The following STAT5A variants were observed in gnomAD, a reference collection of about 807,000 sequenced individuals.
STAT5A encodes the protein epididymis secretory sperm binding protein.
Under a neutral mutation model 100.2 loss-of-function variants are expected in STAT5A, and 26 were observed. The observed-to-expected ratio is 0.26, with a 90% CI of 0.19 to 0.36. STAT5A has a LOEUF of 0.36. STAT5A is among the 10% of genes least tolerant of loss of function. STAT5A has a pLI of 1.00. For synonymous variants in STAT5A, 330 were observed against 424.3 expected (o/e 0.78, Z 2.73); for missense variants, 634 against 1,027.5 (o/e 0.62, Z 5.24).
intron 4 of STAT5A, among the ~76,000 whole-genome samples, chr17:42,295,223 A>T (rs1344734193): frequency 6.6e-6 from 1 of 152,132 alleles, no homozygotes; most frequent in Non-Finnish European, 1.5e-5. Flanking sequence ...TTGAGTCAGC[A>T]AATAAATGTA....
chr17:42,309,626 G>C, intron 18 of STAT5A, 142 bp downstream of exon 18: 1 of 797,336 alleles, frequency 1.3e-6, no homozygotes, highest in Non-Finnish European at 2.0e-6. Context: ...CAGGAAAACA[G>C]AGCATTTTGA....
intron 1 of STAT5A, 66 bp from the exon 2 acceptor site, chr17:42,289,336 G>C (rs1232510984): frequency 6.8e-7 from 1 of 1,469,886 alleles, no homozygotes; most frequent in African/African-American, 1.4e-5. Flanking sequence ...GCATGGCAAG[G>C]CCAGGGGCAG....
At position 42,291,955 on chromosome 17, in the gene STAT5A, C is replaced by T; in HGVS notation, c.286-17C>T. The T allele has an allele frequency of 1.2e-6, 2 of 1,612,982 alleles. No homozygotes were observed. The highest frequency in any genetic ancestry group is 1.7e-6 in the Non-Finnish European group (2 of 1,179,338). ...GAGCAGAGGATGGCGCTGGAGGCTACTGTTGGATTCTTTCAGAAAACATAT... is the reference window on the plus strand; with the variant it reads ...GAGCAGAGGATGGCGCTGGAGGCTATTGTTGGATTCTTTCAGAAAACATAT... On this transcript the variant is annotated splice_polypyrimidine_tract_variant and intron_variant, in intron 3 of 18. Coordinates refer to ENST00000590949, the MANE Select transcript of STAT5A (RefSeq NM_001288718.2).
chr17:42,295,924 C>A (rs2080914447), intron 5 of STAT5A, 131 bp downstream of exon 5: 1 of 1,357,208 alleles, frequency 7.4e-7, no homozygotes, highest in East Asian at 2.5e-5. Context: ...GAAGCAATGG[C>A]TCCCGGTGAT....
intron 12 of STAT5A, 21 bp downstream of exon 12, chr17:42,305,723 T>TACCCCAGCACCCCC (rs747085318): frequency 8.1e-6 from 13 of 1,612,552 alleles, no homozygotes; most frequent in Non-Finnish European, 1.1e-5. Flanking sequence ...GTGGGAGCCC[T>TACCCCAGCACCCCC]ACCCCAGCAC....
intron 5 of STAT5A, among the ~76,000 whole-genome samples, chr17:42,298,539 T>C (rs1207535965): frequency 6.8e-6 from 1 of 147,392 alleles, no homozygotes; most frequent in Non-Finnish European, 1.5e-5. Context: ...TGGCCCAATC[T>C]CGGCTCACTG....
chr17:42,291,826 G>T, intron 3 of STAT5A, 146 bp from the exon 4 acceptor site: 1 of 716,030 alleles, frequency 1.4e-6, no homozygotes, highest in Non-Finnish European at 2.4e-6. Context: ...GAGGAACAGA[G>T]ATATAGAGGT....
Position 42,304,713 on chromosome 17 carries a change from G to C in STAT5A, c.1380+61G>C. On this transcript the variant is annotated intron_variant, in intron 11 of 18. Coordinates refer to ENST00000590949, the MANE Select transcript of STAT5A (RefSeq NM_001288718.2). This position sits in a 1 kb window ranked among gnomAD's most constrained non-coding sequence, Gnocchi z 4.8. ...GGTCACCCAAGAGGTGGAGGGGCCT[G>C]CCTCAGGACTCCTGGCAGCAATGCC... The C allele has an allele frequency of 2.5e-6, 4 of 1,600,362 alleles. No individual in the cohort carries two copies. The highest frequency in any genetic ancestry group is 3.3e-4 in the Middle Eastern group (2 of 5,992).
At chr17:42,289,350 C>G in intron 1 of STAT5A, 52 bp from the exon 2 acceptor site, 7 of 1,507,396 alleles carry the variant, frequency 4.6e-6, no homozygotes, top group Non-Finnish European at 6.2e-6. Context: ...GGGGCAGGCC[C>G]GGTTCCTTGG....
In STAT5A at chr17:42,307,321, G is replaced by A. The variant is rs2081038233; in HGVS notation, c.1681-81G>A. The A allele has an allele frequency of 1.2e-5, 17 of 1,389,694 alleles. No individual in the cohort carries two copies. The South Asian group carries it at 1.8e-4, about 15-fold the overall frequency. The allele number at this position is 1,389,694 out of a possible 1,614,324, so 86.1% of individuals were successfully genotyped here. A position where few individuals can be genotyped will look rare whatever the true frequency, so the allele number is the denominator to read the frequency against. On this transcript the variant is annotated intron_variant, in intron 13 of 18. Coordinates refer to ENST00000590949, the MANE Select transcript of STAT5A (RefSeq NM_001288718.2). ...GTGAAGAACTGGGAGAAGACTGGGTGGGGGCAGGAGGGCCCTGACTTTCCT... is the reference window on the plus strand; with the variant it reads ...GTGAAGAACTGGGAGAAGACTGGGTAGGGGCAGGAGGGCCCTGACTTTCCT...
At position 42,307,474 on chromosome 17, in the gene STAT5A, C is replaced by G. The variant is rs1008319751; in HGVS notation, c.1753C>G (p.His585Asp). The G allele has an allele frequency of 6.2e-7, 1 of 1,613,940 alleles. No individual in the cohort carries two copies. Among genetic ancestry groups the G allele is most frequent in the African/African-American group, 1.3e-5 (1 of 74,874 alleles). ...GGTGATGGAGGTGTTGAAGAAGCACCACAAGCCCCACTGGAATGATGGGTA... is the reference window on the plus strand; with the variant it reads ...GGTGATGGAGGTGTTGAAGAAGCACGACAAGCCCCACTGGAATGATGGGTA... ...DGVMEVLKKH[H>D]KPHWNDGAIL... is the part of the protein sequence containing the mutation. Residue 585 changes from histidine (H) to aspartate (D), a missense_variant, in exon 14 of 19, where the codon CAC becomes GAC. By Grantham distance (81) the His-to-Asp change is moderately conservative. Transcript: ENST00000590949.
At chr17:42,289,789 C>T in intron 2 of STAT5A, 77 bp from the exon 3 acceptor site, 2 of 1,445,514 alleles carry the variant, frequency 1.4e-6, no homozygotes, top group Non-Finnish European at 9.1e-7. Flanking sequence ...CCTGGGGTTT[C>T]CACTTTATTC....
intron 4 of STAT5A, among the ~76,000 whole-genome samples, chr17:42,294,076 CG>C (rs1192451038): frequency 3.3e-5 from 5 of 152,056 alleles, no homozygotes; most frequent in African/African-American, 1.2e-4. Context: ...ATTAGCTAGG[CG>C]TGGTGGCGGG....
chr17:42,306,485 C>G, intron 13 of STAT5A, 38 bp downstream of exon 13: 1 of 1,581,436 alleles, frequency 6.3e-7, no homozygotes. Context: ...CCAGGGCCCA[C>G]CGGGGTCTGT....
chr17:42,290,989 A>G (rs982916348), intron 3 of STAT5A, among the ~76,000 whole-genome samples: 8 of 152,054 alleles, frequency 5.3e-5, no homozygotes, highest in African/African-American at 1.9e-4. Context: ...CTTTATTTCT[A>G]TTGTTATTAC....
intron 5 of STAT5A, 102 bp from the exon 6 acceptor site, chr17:42,299,649 G>C (rs950158179): frequency 1.9e-6 from 3 of 1,583,476 alleles, no homozygotes; most frequent in African/African-American, 1.3e-5. Flanking sequence ...TGCAGTGTCT[G>C]AGCCTGGGAG....
intron 5 of STAT5A, among the ~76,000 whole-genome samples, chr17:42,296,957 T>C (rs1343590281): frequency 6.6e-6 from 1 of 151,898 alleles, no homozygotes; most frequent in African/African-American, 2.4e-5. Context: ...TGTTTGTTTG[T>C]TTATTTATTA....
chr17:42,306,368 C>T lies in STAT5A; in HGVS notation c.1601C>T (p.Ala534Val), dbSNP rs1313035517. 11 of 1,614,038 alleles carry T rather than the reference C, an allele frequency of 6.8e-6. No homozygotes were observed. In the African/African-American group the frequency reaches 9.3e-5, roughly 14 times the overall value. Residue 534 changes from alanine (A) to valine (V), a missense_variant, in exon 13 of 19, where the codon GCG becomes GTG. Transcript: ENST00000590949. ...ACCAAGGAGAACCTCGTGTTCCTGG[C>T]GCAGAAACTGTTCAACAACAGCAGC... ...GLTKENLVFL[A>V]QKLFNNSSSH... is the part of the protein sequence containing the mutation.
intron 12 of STAT5A, 42 bp downstream of exon 12, chr17:42,305,744 T>A (rs775208342): frequency 1.9e-6 from 3 of 1,594,442 alleles, no homozygotes; most frequent in Non-Finnish European, 2.6e-6. Flanking sequence ...CCCCAGGCCC[T>A]AGGACTCACC....
Sources: gnomAD v4.1 joint callset for allele counts (sites outside exome capture counted in the v4.1 genomes callset) on GRCh38, gnomAD v4.1.1 for gene constraint, Gnocchi (gnomAD v3.1) non-coding constraint, MANE v1.5 for transcripts, NCBI Gene and HGNC (gene_info 2026-07-23, HGNC 2026-07-21) for gene names.